The following INPP4A variants were observed in gnomAD, a reference collection of about 807,000 sequenced individuals.
INPP4A encodes the protein inositol polyphosphate-4-phosphatase, type I, 107kD.
INPP4A carries 33 observed loss-of-function variants against 119.8 expected under a neutral mutation model. The observed-to-expected ratio is 0.28, with a 90% CI of 0.21 to 0.37. The LOEUF is 0.37. Among genes scored for constraint, INPP4A ranks in the 10% least tolerant of loss-of-function variants. INPP4A has a pLI of 1.00. For synonymous variants in INPP4A, 496 were observed against 500.7 expected (o/e 0.99, Z 0.12); for missense variants, 956 against 1,289.9 (o/e 0.74, Z 3.97).
intron 5 of INPP4A, among the ~76,000 whole-genome samples, chr2:98,535,275 A>G (rs1164661343): frequency 6.6e-6 from 1 of 152,252 alleles, no homozygotes; most frequent in Non-Finnish European, 1.5e-5. Context: ...AGAAATACAT[A>G]ATAAACCACT....
At chr2:98,522,799 T>C (rs746295417) in intron 4 of INPP4A, among the ~76,000 whole-genome samples, 1 of 150,500 alleles carries the variant, frequency 6.6e-6, no homozygotes, top group African/African-American at 2.4e-5. Flanking sequence ...TACCCAAGGA[T>C]CAGGAATAAA....
chr2:98,561,607 C>T (rs775071302), intron 17 of INPP4A, among the ~76,000 whole-genome samples: 2 of 152,118 alleles, frequency 1.3e-5, no homozygotes, highest in Admixed American at 6.5e-5. Flanking sequence ...GCGAAGCAAT[C>T]GTTCTCATAG....
At chr2:98,555,931 G>T (rs1165778713) in intron 16 of INPP4A, 123 bp downstream of exon 16, 4 of 1,231,562 alleles carry the variant, frequency 3.2e-6, no homozygotes, top group Middle Eastern at 2.2e-4. Context: ...GCTGCCAGGT[G>T]GAGCGGGGGC....
At chr2:98,501,877 A>G (rs1683187403) in intron 1 of INPP4A, among the ~76,000 whole-genome samples, 1 of 152,218 alleles carries the variant, frequency 6.6e-6, no homozygotes, top group Non-Finnish European at 1.5e-5. Flanking sequence ...GTTGAAGAAC[A>G]TGTCTGGCCC....
Position 98,576,978 on chromosome 2 carries a change from T to G in INPP4A, c.2632-11T>G. On this transcript the variant is annotated splice_polypyrimidine_tract_variant and intron_variant, in intron 23 of 24. Transcript: ENST00000409851. The stretch of plus-strand genomic sequence containing the variant: ...CTCGCCTCTAAGCACGGCCCATGTT[T>G]CTGTTGGCAGATCTGCCGCCGCCTT... 6.2e-7 allele frequency: 1 copy of G among 1,608,544 alleles called. No homozygotes were observed. Among genetic ancestry groups the G allele is most frequent in the Non-Finnish European group, 8.5e-7 (1 of 1,175,802 alleles).
intron 1 of INPP4A, among the ~76,000 whole-genome samples, chr2:98,510,151 T>A (rs922498269): frequency 2.0e-5 from 3 of 152,144 alleles, no homozygotes; most frequent in Non-Finnish European, 4.4e-5. Flanking sequence ...GTATGGGAGT[T>A]GGGGTACTAA....
At chr2:98,555,121 A>C (rs1575063746) in intron 15 of INPP4A, among the ~76,000 whole-genome samples, 1 of 152,210 alleles carries the variant, frequency 6.6e-6, no homozygotes. Flanking sequence ...TGTTTCTGCA[A>C]ATCACTCCCA....
At chr2:98,586,900 G>T (rs952071531) in intron 24 of INPP4A, among the ~76,000 whole-genome samples, 2 of 152,228 alleles carry the variant, frequency 1.3e-5, no homozygotes, top group African/African-American at 4.8e-5. Flanking sequence ...GACAGTGCAT[G>T]AACCCATTGG....
chr2:98,556,907 G>T (rs980396671), intron 16 of INPP4A, among the ~76,000 whole-genome samples: 5 of 152,160 alleles, frequency 3.3e-5, no homozygotes, highest in African/African-American at 9.7e-5. Flanking sequence ...CCACACCTGT[G>T]ATTGGCTCAT....
In INPP4A at chr2:98,509,806, T is replaced by G. The variant is rs180992720; in HGVS notation, c.-165-9158T>G. The stretch of plus-strand genomic sequence containing the variant: ...CAGGGCAACTTATTTTCAAACTGCT[T>G]CTTACAGAAAATCCCCTGAACGTTC... On this transcript the variant is annotated intron_variant, in intron 1 of 24. Transcript: ENST00000409851. Among the ~76,000 whole-genome samples, 14 of 152,338 alleles carry G rather than the reference T, an allele frequency of 9.2e-5. No homozygotes were observed. In the East Asian group the frequency reaches 2.3e-3, roughly 25 times the overall value.
intron 1 of INPP4A, among the ~76,000 whole-genome samples, chr2:98,448,626 A>T (rs1026738845): frequency 1.3e-5 from 2 of 151,798 alleles, no homozygotes; most frequent in African/African-American, 4.8e-5. Context: ...CTGTGGTTTC[A>T]TGATTAGATT....
intron 1 of INPP4A, among the ~76,000 whole-genome samples, chr2:98,516,976 A>G (rs758543354): frequency 4.6e-5 from 7 of 151,860 alleles, no homozygotes; most frequent in Admixed American, 3.3e-4. Context: ...TCTTGTATAC[A>G]CTTTGTATTG....
At chr2:98,453,129 C>T (rs1201094029) in intron 1 of INPP4A, among the ~76,000 whole-genome samples, 1 of 152,096 alleles carries the variant, frequency 6.6e-6, no homozygotes, top group African/African-American at 2.4e-5. Context: ...TCACAATGAC[C>T]CACTTTTCCG....
rs117742260 is a variant in INPP4A at position 98,552,473 on chromosome 2, G to A, written c.1164-313G>A. 496 of 454,012 alleles carry A rather than the reference G, an allele frequency of 1.1e-3. 5 individuals are homozygous for A. The East Asian group carries it at 0.012, about 11-fold the overall frequency. 28.1% of individuals were successfully genotyped at this position (454,012 alleles called of 1,614,324 possible). On this transcript the variant is annotated intron_variant, in intron 13 of 24. Coordinates refer to ENST00000409851, the MANE Select transcript of INPP4A (RefSeq NM_001134225.2). ...ATGAGGTTGTGAGGTGGAAGATTAC[G>A]ATCATTTGGGTGATTATGGGATATG...
intron 1 of INPP4A, among the ~76,000 whole-genome samples, chr2:98,501,232 G>A (rs930124152): frequency 4.6e-5 from 7 of 152,258 alleles, no homozygotes; most frequent in East Asian, 1.9e-4. Flanking sequence ...CAGGAGAATC[G>A]CTGAGGCAGG....
intron 13 of INPP4A, chr2:98,548,969 G>A: frequency 1.9e-6 from 3 of 1,611,784 alleles, no homozygotes; most frequent in Non-Finnish European, 2.5e-6. Context: ...GAGGAGTGTT[G>A]GTGAGTTTTC....
intron 9 of INPP4A, 78 bp downstream of exon 9, chr2:98,539,059 C>T (rs902784892): frequency 5.9e-5 from 44 of 740,816 alleles, no homozygotes; most frequent in Non-Finnish European, 9.0e-5. Flanking sequence ...TTGCTCCCCA[C>T]CTGCTGCGAT....
chr2:98,452,756 A>G (rs947780023), intron 1 of INPP4A, among the ~76,000 whole-genome samples: 10 of 152,146 alleles, frequency 6.6e-5, no homozygotes, highest in Admixed American at 4.6e-4. Context: ...CTCGGTGCTA[A>G]AGGAAGCAAC....
At chr2:98,513,916 T>G (rs943831969) in intron 1 of INPP4A, among the ~76,000 whole-genome samples, 1 of 152,182 alleles carries the variant, frequency 6.6e-6, no homozygotes, top group South Asian at 2.1e-4. Context: ...GTTGTTCTCT[T>G]ATTTGCTGGG....
Sources: gnomAD v4.1 joint callset for allele counts (sites outside exome capture counted in the v4.1 genomes callset) on GRCh38, gnomAD v4.1.1 for gene constraint, MANE v1.5 for transcripts, NCBI Gene and HGNC (gene_info 2026-07-23, HGNC 2026-07-21) for gene names.